Variants in CTNND2 observed in about 807,000 individuals in gnomAD.
The protein encoded by CTNND2 is catenin delta-2.
Under a neutral mutation model 144.4 loss-of-function variants are expected in CTNND2, and 22 were observed. That is an observed-to-expected ratio of 0.15 (90% confidence interval 0.11 to 0.22). CTNND2 has a LOEUF of 0.22. Among genes scored for constraint, CTNND2 ranks in the 10% least tolerant of loss-of-function variants. CTNND2 has a pLI of 1.00. For missense variants in CTNND2, 1,353 were observed against 1,618.8 expected, an observed-to-expected ratio of 0.84 and a Z score of 2.82; for synonymous variants, 751 against 695.6, an observed-to-expected ratio of 1.08 and a Z score of -1.25.
chr5:11,776,568 A>G lies in CTNND2; in HGVS notation c.38-44296T>C, dbSNP rs536535214. Among the ~76,000 whole-genome samples, 5 of 152,276 alleles carry G rather than the reference A, an allele frequency of 3.3e-5. No homozygotes were observed. The South Asian group carries it at 1.0e-3, about 32-fold the overall frequency. On this transcript the variant is annotated intron_variant, in intron 1 of 21. Coordinates refer to ENST00000304623, the MANE Select transcript of CTNND2 (RefSeq NM_001332.4). Reference sequence around the variant, plus strand: ...TTTTATCCACAGAATGAGAAACATAATATTATCAATCCCATTTATTTTATA... The same window carrying G: ...TTTTATCCACAGAATGAGAAACATAGTATTATCAATCCCATTTATTTTATA...
chr5:11,547,820 A>T (rs770941484), intron 3 of CTNND2, among the ~76,000 whole-genome samples: 1 of 152,212 alleles, frequency 6.6e-6, no homozygotes, highest in Non-Finnish European at 1.5e-5. Context: ...AGTACTTTTG[A>T]AAGTTCTTTT....
At chr5:11,776,461 G>T (rs796100897) in intron 1 of CTNND2, among the ~76,000 whole-genome samples, 19 of 152,306 alleles carry the variant, frequency 1.2e-4, no homozygotes, top group African/African-American at 4.6e-4. Context: ...AAGGGGGTAA[G>T]TAATAGATGC....
chr5:11,330,953 C>G (rs545586676), intron 9 of CTNND2, among the ~76,000 whole-genome samples: 2 of 152,100 alleles, frequency 1.3e-5, no homozygotes, highest in African/African-American at 2.4e-5. Context: ...CTGTTACTTT[C>G]AAGCTGATTT....
At chr5:11,717,011 G>T (rs116823509) in intron 2 of CTNND2, among the ~76,000 whole-genome samples, 3,815 of 152,000 alleles carry the variant, frequency 0.025, 158 homozygotes, top group African/African-American at 0.087. Flanking sequence ...GAGACTGCAG[G>T]TGTGCACCAC....
At chr5:11,678,458 C>T (rs1275206937) in intron 2 of CTNND2, among the ~76,000 whole-genome samples, 4 of 152,104 alleles carry the variant, frequency 2.6e-5, no homozygotes, top group Non-Finnish European at 5.9e-5. Context: ...ATAGTGCAAG[C>T]GGCCACAATG....
At chr5:11,320,467 G>A (rs1751921751) in intron 9 of CTNND2, among the ~76,000 whole-genome samples, 1 of 152,054 alleles carries the variant, frequency 6.6e-6, no homozygotes, top group Non-Finnish European at 1.5e-5. Flanking sequence ...GAACTGAAAA[G>A]GAAAAAGTAT....
intron 14 of CTNND2, among the ~76,000 whole-genome samples, chr5:11,100,388 C>T (rs1751768223): frequency 6.6e-6 from 1 of 152,138 alleles, no homozygotes; most frequent in South Asian, 2.1e-4. Flanking sequence ...GATGACTTTG[C>T]ACCTGTGAAC....
chr5:11,228,375 A>AC (rs1740605432), intron 10 of CTNND2, among the ~76,000 whole-genome samples: 2 of 149,480 alleles, frequency 1.3e-5, no homozygotes, highest in South Asian at 4.2e-4. Context: ...AAAAAAAAAA[A>AC]AAAACAAAGA....
chr5:11,051,305 GA>G (rs1206711478), intron 16 of CTNND2, among the ~76,000 whole-genome samples: 1 of 152,210 alleles, frequency 6.6e-6, no homozygotes, highest in African/African-American at 2.4e-5. Flanking sequence ...TTGGGTGGGG[GA>G]CAAGCAATTA....
intron 2 of CTNND2, among the ~76,000 whole-genome samples, chr5:11,625,191 G>T (rs1018613836): frequency 7.2e-5 from 11 of 152,122 alleles, no homozygotes; most frequent in African/African-American, 2.4e-4. Context: ...ATCTTCATAG[G>T]AAAATGACTT....
At chr5:11,125,889 G>C (rs1380409148) in intron 12 of CTNND2, among the ~76,000 whole-genome samples, 1 of 152,192 alleles carries the variant, frequency 6.6e-6, no homozygotes, top group South Asian at 2.1e-4. Flanking sequence ...ATGTAGGTAA[G>C]ATTCTGTTTT....
At chr5:11,718,986 G>A (rs1786511753) in intron 2 of CTNND2, among the ~76,000 whole-genome samples, 1 of 152,142 alleles carries the variant, frequency 6.6e-6, no homozygotes, top group Non-Finnish European at 1.5e-5. Flanking sequence ...ATCAACTGAG[G>A]AGCACAGATT....
chr5:11,083,106 T>A (rs778601354), intron 15 of CTNND2, among the ~76,000 whole-genome samples: 10 of 152,202 alleles, frequency 6.6e-5, no homozygotes, highest in Admixed American at 3.3e-4. Flanking sequence ...TTTCAGTACT[T>A]GAAGTTGAAA....
chr5:11,363,046 T>G (rs1474712042), intron 8 of CTNND2, among the ~76,000 whole-genome samples: 1 of 152,334 alleles, frequency 6.6e-6, no homozygotes, highest in Non-Finnish European at 1.5e-5. Flanking sequence ...TCTTTTGATT[T>G]TTCCCCCCAA....
At chr5:11,253,933 T>C (rs1339272961) in intron 9 of CTNND2, among the ~76,000 whole-genome samples, 1 of 152,202 alleles carries the variant, frequency 6.6e-6, no homozygotes, top group Admixed American at 6.5e-5. Flanking sequence ...ACACTCAGTA[T>C]ATTTAATTTT....
chr5:11,270,442 T>C (rs1488464045), intron 9 of CTNND2, among the ~76,000 whole-genome samples: 1 of 150,980 alleles, frequency 6.6e-6, no homozygotes, highest in Non-Finnish European at 1.5e-5. Context: ...ATAAGCCTAT[T>C]AGGATACATT....
At chr5:11,736,885 T>C (rs191518967) in intron 1 of CTNND2, among the ~76,000 whole-genome samples, 4 of 152,302 alleles carry the variant, frequency 2.6e-5, no homozygotes, top group African/African-American at 9.6e-5. Flanking sequence ...CATAATAAGG[T>C]ACTAATGCAA....
At chr5:11,065,119 T>C (rs1296889009) in intron 16 of CTNND2, among the ~76,000 whole-genome samples, 1 of 152,256 alleles carries the variant, frequency 6.6e-6, no homozygotes, top group Non-Finnish European at 1.5e-5. Flanking sequence ...AGGTGGCCTT[T>C]GGAGACAACT....
chr5:11,047,093 T>C (rs1234853582), intron 16 of CTNND2, among the ~76,000 whole-genome samples: 2 of 152,236 alleles, frequency 1.3e-5, no homozygotes, highest in Non-Finnish European at 2.9e-5. Flanking sequence ...GTTAATGAGC[T>C]GAGTTTCATG....
Sources: gnomAD v4.1 joint callset for allele counts (sites outside exome capture counted in the v4.1 genomes callset) on GRCh38, gnomAD v4.1.1 for gene constraint, MANE v1.5 for transcripts, NCBI Gene and HGNC (gene_info 2026-07-23, HGNC 2026-07-21) for gene names.